AOAH: variants seen among roughly 807,000 people sequenced by gnomAD.
The protein encoded by AOAH is acyloxyacyl hydrolase (neutrophil).
A neutral mutation model predicts 92.2 loss-of-function variants in AOAH; 64 were observed. That is an observed-to-expected ratio of 0.69 (90% CI 0.57 to 0.86). The LOEUF is 0.86. Ranked by LOEUF, AOAH falls within the 40% of genes least tolerant of loss-of-function variation. The pLI, the probability that AOAH is intolerant of heterozygous loss-of-function variation, is 0.00. For synonymous variants in AOAH, 263 were observed against 254.5 expected (o/e 1.03, Z -0.32); for missense variants, 656 against 694.6 (o/e 0.94, Z 0.62).
At chr7:36,611,346 A>G (rs1006041024) in intron 11 of AOAH, among the ~76,000 whole-genome samples, 1 of 152,200 alleles carries the variant, frequency 6.6e-6, no homozygotes, top group South Asian at 2.1e-4. Context: ...GTTTCTCATC[A>G]GCCCATTCTC....
intron 16 of AOAH, 34 bp from the exon 17 acceptor site, chr7:36,532,378 A>T: frequency 6.2e-7 from 1 of 1,607,210 alleles, no homozygotes. Context: ...GATTGCATCC[A>T]CTCGGCAATA....
In AOAH at chr7:36,665,334, C is replaced by T. The variant is rs183185310; in HGVS notation, c.291-6069G>A. Among the ~76,000 whole-genome samples the T allele has an allele frequency of 3.2e-3, 489 of 152,132 alleles. 1 individual carries two copies. The highest frequency in any genetic ancestry group is 5.6e-3 in the Non-Finnish European group (383 of 67,988). The stretch of plus-strand genomic sequence containing the variant: ...GGTATCCTGTGTTTGATTTCAAATT[C>T]CACTTGTTCATTGTTGATATATAGG... On this transcript the variant is annotated intron_variant, in intron 3 of 20. Transcript: ENST00000617537.
chr7:36,723,994 GAAAATAC>G (rs1488263125), intron 1 of AOAH, 21 bp downstream of exon 1: 1 of 1,606,772 alleles, frequency 6.2e-7, no homozygotes, highest in Non-Finnish European at 8.5e-7. Flanking sequence ...TGTCTACATA[GAAAATAC>G]AAAAATATTT....
chr7:36,553,061 T>A (rs1786398118), intron 13 of AOAH, among the ~76,000 whole-genome samples: 3 of 151,498 alleles, frequency 2.0e-5, no homozygotes, highest in Admixed American at 1.3e-4. Flanking sequence ...GCTGGTGCGC[T>A]GCACCCACTA....
chr7:36,690,060 G>A, intron 1 of AOAH: 1 of 374,186 alleles, frequency 2.7e-6, no homozygotes. Context: ...CAAAGCGAAT[G>A]GGGCAGCTTG....
At chr7:36,632,757 T>C (rs1429383776) in intron 5 of AOAH, among the ~76,000 whole-genome samples, 2 of 152,208 alleles carry the variant, frequency 1.3e-5, no homozygotes, top group Non-Finnish European at 2.9e-5. Flanking sequence ...CATTTATCAA[T>C]GAAGGGAGAG....
chr7:36,684,366 C>A (rs1431614157), intron 2 of AOAH, among the ~76,000 whole-genome samples: 1 of 152,066 alleles, frequency 6.6e-6, no homozygotes, highest in Non-Finnish European at 1.5e-5. Context: ...AAACTAACTG[C>A]TTGCTGTGAG....
chr7:36,709,753 A>G (rs1238799093), intron 1 of AOAH, among the ~76,000 whole-genome samples: 1 of 152,076 alleles, frequency 6.6e-6, no homozygotes, highest in African/African-American at 2.4e-5. Flanking sequence ...CAACTGTTTT[A>G]TATGCAAAAA....
intron 13 of AOAH, among the ~76,000 whole-genome samples, chr7:36,573,332 C>CA (rs1788265061): frequency 6.6e-6 from 1 of 152,098 alleles, no homozygotes; most frequent in South Asian, 2.1e-4. Context: ...CTGTTGATTG[C>CA]AAAAAAGATT....
chr7:36,694,913 A>G (rs1237959861), intron 1 of AOAH, among the ~76,000 whole-genome samples: 2 of 150,288 alleles, frequency 1.3e-5, no homozygotes, highest in Non-Finnish European at 3.0e-5. Flanking sequence ...GATGGAATGG[A>G]TATATAGGTA....
chr7:36,660,672 C>A (rs1383149553), intron 3 of AOAH, among the ~76,000 whole-genome samples: 1 of 152,144 alleles, frequency 6.6e-6, no homozygotes, highest in African/African-American at 2.4e-5. Flanking sequence ...TTGTTTGTTT[C>A]CCTGGGGATG....
chr7:36,534,244 G>C (rs1784873694), intron 16 of AOAH, among the ~76,000 whole-genome samples: 1 of 152,106 alleles, frequency 6.6e-6, no homozygotes, highest in African/African-American at 2.4e-5. Context: ...TCCTTCTGCT[G>C]ATGGCCAGCA....
chr7:36,514,416 A>G, intron 20 of AOAH: 1 of 1,322,540 alleles, frequency 7.6e-7, no homozygotes, highest in Non-Finnish European at 1.0e-6. Context: ...CCAGAGAGGA[A>G]TCCTTAGCTT....
At position 36,594,214 on chromosome 7, in the gene AOAH, C is replaced by G. The variant is rs1403443255; in HGVS notation, c.938+125G>C. ...CATCCTACTGTATGGTGGATGAACT[C>G]AAATTCATGTTCTAGAAGCAGTTCC... On this transcript the variant is annotated intron_variant, in intron 12 of 20. Coordinates refer to ENST00000617537, the MANE Select transcript of AOAH (RefSeq NM_001637.4). The G allele has an allele frequency of 7.8e-6, 6 of 768,032 alleles. No homozygotes were observed. The Admixed American group carries it at 1.3e-4, about 17-fold the overall frequency. The allele number at this position is 768,032 out of a possible 1,614,324, so 47.6% of individuals were successfully genotyped here.
rs1386520752 is a variant in AOAH at position 36,525,069 on chromosome 7, TA to T, written c.1523-2955del. 3.3e-5 allele frequency among the ~76,000 whole-genome samples: 5 copies of T among 152,208 alleles called. No homozygotes were observed. The East Asian group carries it at 9.6e-4, about 29-fold the overall frequency. ...TAAGACATGAGGCAGAGTCCTCTTG[TA>T]ATAAATAGATGCACAGCAAACCATG... On this transcript the variant is annotated intron_variant, in intron 19 of 20. Transcript: ENST00000617537.
chr7:36,532,412 G>T (rs1209908245), intron 16 of AOAH, 68 bp from the exon 17 acceptor site: 3 of 1,443,430 alleles, frequency 2.1e-6, no homozygotes, highest in East Asian at 2.3e-5. Flanking sequence ...GCACCTGGGG[G>T]CTTCCCTGCC....
chr7:36,617,151 A>C (rs1006293944), intron 10 of AOAH, among the ~76,000 whole-genome samples: 7 of 152,132 alleles, frequency 4.6e-5, no homozygotes, highest in African/African-American at 1.7e-4. Flanking sequence ...TCCACTTCCA[A>C]ACTCCTCAAG....
Position 36,724,310 on chromosome 7 carries a change from G to A in AOAH, c.-162C>T. 5 of 721,874 alleles carry A rather than the reference G, an allele frequency of 6.9e-6. No individual in the cohort carries two copies. The highest frequency in any genetic ancestry group is 1.1e-5 in the Non-Finnish European group (5 of 453,968). The allele number at this position is 721,874 out of a possible 1,614,324, so 44.7% of individuals were successfully genotyped here. On this transcript the variant is annotated 5_prime_UTR_variant, in exon 1 of 21. Transcript: ENST00000617537. The stretch of plus-strand genomic sequence containing the variant: ...CTCACATACACACTTTTCAATAAGT[G>A]TGAAGTGAATAAAAGCACACATAAA...
intron 13 of AOAH, among the ~76,000 whole-genome samples, chr7:36,554,429 C>A (rs1248587497): frequency 6.6e-6 from 1 of 152,186 alleles, no homozygotes; most frequent in Non-Finnish European, 1.5e-5. Flanking sequence ...ATGCCTCCAG[C>A]TTTGTTCTTT....
Sources: allele counts gnomAD v4.1 joint callset (sites outside exome capture counted in the v4.1 genomes callset), GRCh38; gene constraint gnomAD v4.1.1; transcripts MANE v1.5; gene names NCBI Gene and HGNC (gene_info 2026-07-23, HGNC 2026-07-21).